Variants in SLC44A1 observed in about 807,000 individuals in gnomAD.
SLC44A1 encodes choline transporter-like protein 1.
Under a neutral mutation model 79.3 loss-of-function variants are expected in SLC44A1, and 26 were observed. That is an observed-to-expected ratio of 0.33 (90% confidence interval 0.24 to 0.46). The LOEUF is 0.46. Among genes scored for constraint, SLC44A1 ranks in the 20% least tolerant of loss-of-function variants. SLC44A1 has a pLI of 1.00. For missense variants in SLC44A1, 688 were observed against 798.1 expected (o/e 0.86, Z 1.66); for synonymous variants, 263 against 286.2 (o/e 0.92, Z 0.82).
At chr9:105,319,118 G>T (rs972624032) in intron 3 of SLC44A1, among the ~76,000 whole-genome samples, 2 of 152,096 alleles carry the variant, frequency 1.3e-5, no homozygotes, top group African/African-American at 4.8e-5. Flanking sequence ...GTTTACCTGG[G>T]TGTCAGAGTT....
At position 105,393,604 on chromosome 9, in the gene SLC44A1, CT is replaced by C; in HGVS notation, c.*4551del. The C allele has an allele frequency of 6.2e-6, 6 of 969,424 alleles. No homozygotes were observed. The highest frequency in any genetic ancestry group is 7.4e-6 in the Non-Finnish European group (6 of 815,444). The allele number at this position is 969,424 out of a possible 1,614,324, so 60.1% of individuals were successfully genotyped here. On this transcript the variant is annotated 3_prime_UTR_variant, in exon 16 of 16. Coordinates refer to ENST00000374720, the MANE Select transcript of SLC44A1 (RefSeq NM_080546.5). ...AAACTTACTGATTTCTGTGGAAAAC[CT>C]TTCTTTTCTATAGAAATACTGTAGT...
At chr9:105,436,008 G>C (rs1342810750) in intron 15 of SLC44A1, among the ~76,000 whole-genome samples, 1 of 152,178 alleles carries the variant, frequency 6.6e-6, no homozygotes, top group Non-Finnish European at 1.5e-5. Context: ...GACCAGCCTG[G>C]CCAATATGGC....
At chr9:105,341,738 T>A (rs1827098801) in intron 4 of SLC44A1, among the ~76,000 whole-genome samples, 1 of 152,244 alleles carries the variant, frequency 6.6e-6, no homozygotes, top group African/African-American at 2.4e-5. Context: ...TTTCTCATTC[T>A]CACAGAACAC....
Position 105,395,277 on chromosome 9 carries a change from G to A in SLC44A1, c.*6221G>A. The A allele has an allele frequency of 1.3e-6, 1 of 777,744 alleles. No individual in the cohort carries two copies. Among genetic ancestry groups the A allele is most frequent in the Non-Finnish European group, 1.6e-6 (1 of 640,762 alleles). 48.2% of individuals were successfully genotyped at this position (777,744 alleles called of 1,614,324 possible). On this transcript the variant is annotated 3_prime_UTR_variant, in exon 16 of 16. Coordinates refer to ENST00000374720, the MANE Select transcript of SLC44A1 (RefSeq NM_080546.5). The stretch of plus-strand genomic sequence containing the variant: ...CTCTATCGCCAGCTTAGAGTGCAGT[G>A]GCTCAATCTTAGCTCACTGCAACCT...
chr9:105,295,930 A>G (rs2131281382), intron 1 of SLC44A1, among the ~76,000 whole-genome samples: 1 of 152,338 alleles, frequency 6.6e-6, no homozygotes, highest in Non-Finnish European at 1.5e-5. Flanking sequence ...TGTCTGATTA[A>G]TAGTAATCAA....
At chr9:105,302,525 G>T (rs962813575) in intron 2 of SLC44A1, among the ~76,000 whole-genome samples, 1 of 151,666 alleles carries the variant, frequency 6.6e-6, no homozygotes, top group Non-Finnish European at 1.5e-5. Context: ...GTTAATTTTT[G>T]CATTTTCAAT....
At chr9:105,357,748 A>C (rs1827663854) in intron 6 of SLC44A1, among the ~76,000 whole-genome samples, 1 of 152,156 alleles carries the variant, frequency 6.6e-6, no homozygotes, top group South Asian at 2.1e-4. Flanking sequence ...ACCTCAGTTG[A>C]GAAATTAGAC....
At chr9:105,376,091 C>A (rs1047689102) in intron 13 of SLC44A1, among the ~76,000 whole-genome samples, 4 of 151,868 alleles carry the variant, frequency 2.6e-5, no homozygotes, top group African/African-American at 9.7e-5. Context: ...ACTATTGAAC[C>A]CTTAGGTTGC....
chr9:105,321,335 T>C (rs1826387801), intron 3 of SLC44A1, among the ~76,000 whole-genome samples: 1 of 152,230 alleles, frequency 6.6e-6, no homozygotes, highest in South Asian at 2.1e-4. Flanking sequence ...ATCTTCCCCA[T>C]TGAATTACTT....
exon 16 of SLC44A1, chr9:105,438,298 G>T (rs537619042): frequency 4.1e-5 from 63 of 1,550,004 alleles, no homozygotes; most frequent in Middle Eastern, 1.7e-4. Flanking sequence ...AAAGGTGACT[G>T]GTCTCATGAG....
At chr9:105,385,917 C>G in intron 15 of SLC44A1, 1 of 985,196 alleles carries the variant, frequency 1.0e-6, no homozygotes, top group Non-Finnish European at 1.2e-6. Context: ...TTTCAACTTG[C>G]TAAAATTCAT....
Position 105,348,455 on chromosome 9 carries a change from A to C in SLC44A1, c.500+4A>C. ...CCAAACTACCAGTTCCAGCGAGGTA[A>C]ATTTTATTGCAAAGTTGTTAACTTG... On this transcript the variant is annotated splice_donor_region_variant and intron_variant, in intron 5 of 15. Transcript: ENST00000374720. 1.3e-6 allele frequency: 2 copies of C among 1,549,636 alleles called. No individual in the cohort carries two copies. The highest frequency in any genetic ancestry group is 1.8e-6 in the Non-Finnish European group (2 of 1,121,736).
At chr9:105,431,279 C>G (rs904506558) in intron 15 of SLC44A1, among the ~76,000 whole-genome samples, 1 of 152,080 alleles carries the variant, frequency 6.6e-6, no homozygotes, top group African/African-American at 2.4e-5. Flanking sequence ...TTGTAGATGT[C>G]CAACTTTCTT....
chr9:105,314,412 A>G (rs1431969574), intron 3 of SLC44A1, among the ~76,000 whole-genome samples: 1 of 152,232 alleles, frequency 6.6e-6, no homozygotes, highest in Non-Finnish European at 1.5e-5. Context: ...TTAAGTCATT[A>G]TTAGAACTTT....
chr9:105,257,634 A>G (rs1829743083), intron 1 of SLC44A1, among the ~76,000 whole-genome samples: 1 of 152,210 alleles, frequency 6.6e-6, no homozygotes, highest in Non-Finnish European at 1.5e-5. Flanking sequence ...CGGGGAAACC[A>G]AGAGAGGAAA....
In SLC44A1 at chr9:105,251,279, C is replaced by T. The variant is rs1392536216; in HGVS notation, c.36+6375C>T. The stretch of plus-strand genomic sequence containing the variant: ...GCCCTGGTTGTGGAAACTGGAGACT[C>T]GAGTCCTGTAGGGAACCTGCCTCTC... On this transcript the variant is annotated intron_variant, in intron 1 of 15. Coordinates refer to ENST00000374720, the MANE Select transcript of SLC44A1 (RefSeq NM_080546.5). 1.1e-4 allele frequency among the ~76,000 whole-genome samples: 16 copies of T among 152,100 alleles called. No individual in the cohort carries two copies. In the South Asian group the frequency reaches 2.3e-3, roughly 22 times the overall value.
intron 5 of SLC44A1, among the ~76,000 whole-genome samples, chr9:105,352,292 C>G (rs988146383): frequency 6.6e-6 from 1 of 151,976 alleles, no homozygotes; most frequent in Non-Finnish European, 1.5e-5. Flanking sequence ...TATTTATAAC[C>G]TGAGGTTCTA....
rs769955039 is a variant in SLC44A1 at position 105,396,874 on chromosome 9, T to C, written c.*7818T>C. On this transcript the variant is annotated 3_prime_UTR_variant, in exon 16 of 16. Transcript: ENST00000374720. The stretch of plus-strand genomic sequence containing the variant: ...TCATTTACCTTACCATTATTTTGGA[T>C]TTTTTTCTTATTACAGTGTCACTAC... The C allele has an allele frequency of 3.0e-6, 3 of 985,130 alleles. No homozygotes were observed. Among genetic ancestry groups the C allele is most frequent in the African/African-American group, 1.7e-5 (1 of 57,210 alleles). 61.0% of individuals were successfully genotyped at this position (985,130 alleles called of 1,614,324 possible). A position where few individuals can be genotyped will look rare whatever the true frequency, so the allele number is the denominator to read the frequency against.
intron 3 of SLC44A1, among the ~76,000 whole-genome samples, chr9:105,319,609 C>T (rs1826321539): frequency 2.0e-5 from 3 of 152,020 alleles, no homozygotes; most frequent in African/African-American, 2.4e-5. Flanking sequence ...CTAGGGTGGT[C>T]GACGCCCACC....
Sources: gnomAD v4.1 joint callset for allele counts (sites outside exome capture counted in the v4.1 genomes callset) on GRCh38, gnomAD v4.1.1 for gene constraint, MANE v1.5 for transcripts, NCBI Gene and HGNC (gene_info 2026-07-23, HGNC 2026-07-21) for gene names.